AP3S1: variants seen among roughly 807,000 people sequenced by gnomAD.
AP3S1 encodes the protein AP-3 complex subunit sigma-1.
A neutral mutation model predicts 21.3 loss-of-function variants in AP3S1; 12 were observed. The ratio of observed to expected loss-of-function variants is 0.56; its 90% CI spans 0.36 to 0.91. The LOEUF is 0.91. Ranked by LOEUF, AP3S1 falls within the 40% of genes least tolerant of loss-of-function variation. The probability of loss-of-function intolerance (pLI) is 0.01; values close to 1 mark genes in which losing one functional copy is unlikely to be tolerated. For synonymous variants in AP3S1, 48 were observed against 78.4 expected, an observed-to-expected ratio of 0.61 and a Z score of 2.05; for missense variants, 116 against 225.0, an observed-to-expected ratio of 0.52 and a Z score of 3.10.
intron 3 of AP3S1, among the ~76,000 whole-genome samples, chr5:115,890,167 G>A (rs1398104587): frequency 6.6e-6 from 1 of 152,146 alleles, no homozygotes; most frequent in Non-Finnish European, 1.5e-5. Flanking sequence ...GTAGATATGT[G>A]TATACGTATA....
chr5:115,889,829 G>T (rs1432316195), intron 3 of AP3S1, among the ~76,000 whole-genome samples: 1 of 151,834 alleles, frequency 6.6e-6, no homozygotes, highest in East Asian at 1.9e-4. Flanking sequence ...ATGATAAAAA[G>T]ACCAATAGAA....
chr5:115,852,908 T>C (rs1412842229), intron 1 of AP3S1: 2 of 380,932 alleles, frequency 5.3e-6, no homozygotes, highest in African/African-American at 4.2e-5. Flanking sequence ...ACTTTTTGGT[T>C]ACTATGAATA....
At chr5:115,888,423 A>C (rs995079431) in intron 3 of AP3S1, among the ~76,000 whole-genome samples, 1 of 152,080 alleles carries the variant, frequency 6.6e-6, no homozygotes, top group Admixed American at 6.6e-5. Context: ...TGTGTGATGG[A>C]CCTTAGGGCT....
Position 115,870,017 on chromosome 5 carries a change from A to G in AP3S1, c.162A>G (p.Leu54=), listed in dbSNP as rs142250464. ...ENVCNFLEGG[L]LIGGSDNKLI... Reference sequence around the variant, plus strand: ...ACATTACAATTTTTTTGTCATTTAGATTAATTGGAGGATCTGACAACAAAC... The same window carrying G: ...ACATTACAATTTTTTTGTCATTTAGGTTAATTGGAGGATCTGACAACAAAC... Residue 54 remains leucine (L), a splice_region_variant and synonymous_variant, in exon 3 of 6, where the codon TTA becomes TTG. Transcript: ENST00000316788. 105 of 1,585,270 alleles carry G rather than the reference A, an allele frequency of 6.6e-5. No homozygotes were observed. The African/African-American group carries it at 1.3e-3, about 19-fold the overall frequency.
intron 1 of AP3S1, among the ~76,000 whole-genome samples, chr5:115,852,751 A>T (rs1325670113): frequency 6.6e-6 from 1 of 152,146 alleles, no homozygotes; most frequent in Non-Finnish European, 1.5e-5. Context: ...TTTACTTTAC[A>T]TGATGCTTTC....
chr5:115,867,618 A>G (rs1747809170), intron 2 of AP3S1, among the ~76,000 whole-genome samples: 1 of 152,204 alleles, frequency 6.6e-6, no homozygotes, highest in Non-Finnish European at 1.5e-5. Flanking sequence ...AGATTATATC[A>G]TGCTGTCCTT....
At chr5:115,905,374 G>A (rs1276447354) in intron 5 of AP3S1, among the ~76,000 whole-genome samples, 3 of 152,110 alleles carry the variant, frequency 2.0e-5, no homozygotes, top group Non-Finnish European at 4.4e-5. Flanking sequence ...TAGAATACTG[G>A]TGATTACTTC....
chr5:115,883,743 G>T (rs1450705127), intron 3 of AP3S1, among the ~76,000 whole-genome samples: 1 of 152,212 alleles, frequency 6.6e-6, no homozygotes, highest in African/African-American at 2.4e-5. Flanking sequence ...ATAGGTAGAA[G>T]AATGTATTTT....
chr5:115,866,581 A>G (rs1357468081), intron 1 of AP3S1, 89 bp from the exon 2 acceptor site: 3 of 828,356 alleles, frequency 3.6e-6, no homozygotes, highest in Non-Finnish European at 5.3e-6. Flanking sequence ...TTTCCCAGAC[A>G]GATATTGCTA....
Position 115,913,843 on chromosome 5 carries a change from G to A in AP3S1, c.*353G>A, listed in dbSNP as rs1752302939. ...AACCTAAAATGTTGGTGTTTTGTAT[G>A]GATCACAAGTGCAGCATTCCTTAAT... is the stretch of plus-strand genomic sequence containing the variant. On this transcript the variant is annotated 3_prime_UTR_variant, in exon 6 of 6. Coordinates refer to ENST00000316788, the MANE Select transcript of AP3S1 (RefSeq NM_001284.4). 5.3e-6 allele frequency: 1 copy of A among 188,566 alleles called. No individual in the cohort carries two copies. The highest frequency in any genetic ancestry group is 1.1e-5 in the Non-Finnish European group (1 of 91,864). The allele number at this position is 188,566 out of a possible 1,614,324, so 11.7% of individuals were successfully genotyped here. A position where few individuals can be genotyped will look rare whatever the true frequency, so the allele number is the denominator to read the frequency against.
At chr5:115,845,096 T>TA (rs1201060771) in intron 1 of AP3S1, among the ~76,000 whole-genome samples, 1 of 152,208 alleles carries the variant, frequency 6.6e-6, no homozygotes, top group African/African-American at 2.4e-5. Context: ...AGCATAAAAG[T>TA]AATGATGGCA....
At chr5:115,889,229 C>G (rs1467879125) in intron 3 of AP3S1, among the ~76,000 whole-genome samples, 1 of 151,888 alleles carries the variant, frequency 6.6e-6, no homozygotes, top group Admixed American at 6.6e-5. Flanking sequence ...GCATTTTTAC[C>G]AAGATGGTCT....
chr5:115,893,194 C>G (rs1324774033), intron 3 of AP3S1, among the ~76,000 whole-genome samples: 1 of 152,100 alleles, frequency 6.6e-6, no homozygotes, highest in Non-Finnish European at 1.5e-5. Context: ...ATACCAAGTG[C>G]CACTAGCGAT....
intron 1 of AP3S1, 54 bp from the exon 2 acceptor site, chr5:115,866,616 A>G (rs1763639660): frequency 8.4e-7 from 1 of 1,196,604 alleles, no homozygotes; most frequent in Admixed American, 2.6e-5. Flanking sequence ...AATTCTTAAA[A>G]TGCTATTAAA....
intron 4 of AP3S1, chr5:115,898,644 A>G (rs931341671): frequency 3.3e-5 from 5 of 152,228 alleles, no homozygotes; most frequent in African/African-American, 1.2e-4. Context: ...TGAACTTTCC[A>G]CTAGTGTAAA....
intron 3 of AP3S1, among the ~76,000 whole-genome samples, chr5:115,873,048 A>G (rs958884121): frequency 6.6e-6 from 1 of 152,182 alleles, no homozygotes; most frequent in Non-Finnish European, 1.5e-5. Flanking sequence ...CTTATTGAAG[A>G]GAAATGTTGC....
intron 2 of AP3S1, 120 bp downstream of exon 2, chr5:115,866,881 T>C (rs1763663842): frequency 6.5e-6 from 3 of 460,388 alleles, no homozygotes; most frequent in Non-Finnish European, 1.1e-5. Context: ...GTGAATTAAT[T>C]GCCACCTATG....
At chr5:115,852,185 T>C (rs1762484443) in intron 1 of AP3S1, among the ~76,000 whole-genome samples, 1 of 152,156 alleles carries the variant, frequency 6.6e-6, no homozygotes, top group Non-Finnish European at 1.5e-5. Flanking sequence ...TTATCTCTTT[T>C]ATTTTATTTT....
At chr5:115,851,400 G>A (rs183622644) in intron 1 of AP3S1, among the ~76,000 whole-genome samples, 6 of 152,198 alleles carry the variant, frequency 3.9e-5, no homozygotes, top group South Asian at 2.1e-4. Flanking sequence ...GTGGGGAAGC[G>A]GCACATCATT....
Sources: gnomAD v4.1 joint callset for allele counts (sites outside exome capture counted in the v4.1 genomes callset) on GRCh38, gnomAD v4.1.1 for gene constraint, MANE v1.5 for transcripts, NCBI Gene and HGNC (gene_info 2026-07-23, HGNC 2026-07-21) for gene names.